The following ABCC5 variants were observed in gnomAD, a reference collection of about 807,000 sequenced individuals.
ABCC5 encodes the protein ATP-binding cassette sub-family C member 5.
A neutral mutation model predicts 160.9 loss-of-function variants in ABCC5; 61 were observed. The observed-to-expected ratio is 0.38, with a 90% CI of 0.31 to 0.47. The LOEUF (loss-of-function observed/expected upper bound fraction) is 0.47. Among genes scored for constraint, ABCC5 ranks in the 20% least tolerant of loss-of-function variants. ABCC5 has a pLI of 0.99. For synonymous variants in ABCC5, 666 were observed against 700.6 expected (o/e 0.95, Z 0.78); for missense variants, 1,308 against 1,813.3 (o/e 0.72, Z 5.06).
rs781735401 is a variant in ABCC5 at position 183,945,908 on chromosome 3, A to G, written c.3446T>C (p.Leu1149Pro). The G allele has an allele frequency of 6.2e-7, 1 of 1,614,190 alleles. No homozygotes were observed. The highest frequency in any genetic ancestry group is 8.5e-7 in the Non-Finnish European group (1 of 1,179,994). Residue 1149 changes from leucine (L) to proline (P), a missense_variant, in exon 24 of 30, where the codon CTG (leucine) becomes CCG (proline). Leu to Pro is a moderately conservative substitution (Grantham distance 98, BLOSUM62 -3). Transcript: ENST00000334444. ...GAATCGAGCTTCTGTCTCAGATGCC[A>G]GTCTGACCGTAAACTGGAACAGCCC... The part of the protein sequence containing the change: ...LTGLFQFTVR[L>P]ASETEARFTS...
chr3:183,993,227 G>C (rs951593940), intron 2 of ABCC5, among the ~76,000 whole-genome samples: 7 of 152,096 alleles, frequency 4.6e-5, no homozygotes, highest in African/African-American at 7.2e-5. Context: ...GCTCACACCT[G>C]TAAGCCCAGC....
intron 1 of ABCC5, among the ~76,000 whole-genome samples, chr3:184,015,482 A>G (rs369492697): frequency 1.3e-5 from 2 of 152,172 alleles, no homozygotes; most frequent in African/African-American, 4.8e-5. Flanking sequence ...GTGACTTAAA[A>G]CTACTACTTC....
intron 2 of ABCC5, among the ~76,000 whole-genome samples, chr3:184,005,423 C>G (rs1345153463): frequency 6.6e-6 from 1 of 152,134 alleles, no homozygotes; most frequent in Non-Finnish European, 1.5e-5. Context: ...AATAGGCTAA[C>G]TCCTTAAAAG....
intron 17 of ABCC5, among the ~76,000 whole-genome samples, chr3:183,954,874 T>A (rs1159901533): frequency 6.6e-6 from 1 of 152,086 alleles, no homozygotes; most frequent in African/African-American, 2.4e-5. Flanking sequence ...TCAATCAATA[T>A]AAGTGGGGTA....
intron 25 of ABCC5, among the ~76,000 whole-genome samples, chr3:183,941,305 G>A (rs555522208): frequency 9.1e-4 from 138 of 152,274 alleles, no homozygotes; most frequent in African/African-American, 3.0e-3. Context: ...GTACCCCTGG[G>A]GACGAATGCA....
In ABCC5 at chr3:183,982,658, C is replaced by T. The variant is rs1278990318; in HGVS notation, c.826-34G>A. On this transcript the variant is annotated intron_variant, in intron 6 of 29. Coordinates refer to ENST00000334444, the MANE Select transcript of ABCC5 (RefSeq NM_005688.4). This position sits in a 1 kb window ranked among gnomAD's most constrained non-coding sequence, Gnocchi z 5.2. ...TACAAAGAGTAGTGAGGGGACCCTG[C>T]AAGGACACGGTTCATTTGTCTCAGG... is the stretch of plus-strand genomic sequence containing the variant. The T allele has an allele frequency of 2.5e-6, 4 of 1,611,716 alleles. No homozygotes were observed. Among genetic ancestry groups the T allele is most frequent in the Non-Finnish European group, 3.4e-6 (4 of 1,178,234 alleles).
chr3:184,004,781 G>A (rs2108906846), intron 2 of ABCC5, among the ~76,000 whole-genome samples: 1 of 152,200 alleles, frequency 6.6e-6, no homozygotes, highest in African/African-American at 2.4e-5. Flanking sequence ...CCAAAGAAAA[G>A]TAAACAGAAG....
intron 2 of ABCC5, among the ~76,000 whole-genome samples, chr3:183,989,805 G>GT (rs1037640486): frequency 1.3e-5 from 2 of 151,854 alleles, no homozygotes; most frequent in African/African-American, 2.4e-5. Context: ...TCCGCTCTTT[G>GT]TTTTTTTGGG....
chr3:183,947,594 G>A, intron 22 of ABCC5, 84 bp from the exon 23 acceptor site: 1 of 1,112,974 alleles, frequency 9.0e-7, no homozygotes, highest in South Asian at 1.8e-5. Flanking sequence ...TCAGATGATG[G>A]AGGGCACGTA....
In ABCC5 at chr3:183,982,378, C is replaced by T; in HGVS notation, c.999+73G>A. 1 of 1,509,644 alleles carries T rather than the reference C, an allele frequency of 6.6e-7. No individual in the cohort carries two copies. The highest frequency in any genetic ancestry group is 1.3e-5 in the South Asian group (1 of 77,564). The allele number at this position is 1,509,644 out of a possible 1,614,324, so 93.5% of individuals were successfully genotyped here. ...CAGAGCTGTGAGACCTCAGCAATGC[C>T]TACTATAACCCAATGGAAGTAACTC... On this transcript the variant is annotated intron_variant, in intron 7 of 29. Coordinates refer to ENST00000334444, the MANE Select transcript of ABCC5 (RefSeq NM_005688.4). This position sits in a 1 kb window ranked among gnomAD's most constrained non-coding sequence, Gnocchi z 5.2.
At chr3:183,966,550 C>T (rs1382707413) in intron 12 of ABCC5, among the ~76,000 whole-genome samples, 4 of 152,198 alleles carry the variant, frequency 2.6e-5, no homozygotes, top group Admixed American at 2.0e-4. Context: ...GAGCACATTG[C>T]TAGATGGCAG....
intron 11 of ABCC5, among the ~76,000 whole-genome samples, chr3:183,970,719 G>A (rs1217767338): frequency 6.6e-6 from 1 of 152,188 alleles, no homozygotes; most frequent in East Asian, 1.9e-4. Context: ...TTACAGGCAT[G>A]AGCCACCATG....
chr3:183,990,642 G>A (rs1241481157), intron 2 of ABCC5, among the ~76,000 whole-genome samples: 1 of 152,180 alleles, frequency 6.6e-6, no homozygotes, highest in African/African-American at 2.4e-5. Flanking sequence ...AGAACAGAAC[G>A]TGAGTTCTTA....
At chr3:183,980,147 T>C (rs1417826067) in intron 8 of ABCC5, among the ~76,000 whole-genome samples, 2 of 152,270 alleles carry the variant, frequency 1.3e-5, no homozygotes, top group East Asian at 1.9e-4. Flanking sequence ...AGTGCTGGGA[T>C]TACAGGCATG....
chr3:183,976,205 CCCTT>C (rs1718200367), intron 10 of ABCC5, among the ~76,000 whole-genome samples: 1 of 151,984 alleles, frequency 6.6e-6, no homozygotes, highest in Admixed American at 6.6e-5. Flanking sequence ...TTCCCTCCCT[CCCTT>C]CCTTTTTCTT....
Position 183,963,623 on chromosome 3 carries a change from C to T in ABCC5, c.2032-35G>A, listed in dbSNP as rs372844452. 2.0e-5 allele frequency: 32 copies of T among 1,608,910 alleles called. No individual in the cohort carries two copies. The African/African-American group carries it at 2.0e-4, about 10-fold the overall frequency. On this transcript the variant is annotated intron_variant, in intron 14 of 29. Coordinates refer to ENST00000334444, the MANE Select transcript of ABCC5 (RefSeq NM_005688.4). This position sits in a 1 kb window ranked among gnomAD's most constrained non-coding sequence, Gnocchi z 4.6. ...CCCAGAAGTGTGGTGAAGCCTCCAG[C>T]GCAAGTCCAGAACAGCGTGGAGGGG...
intron 11 of ABCC5, 148 bp downstream of exon 11, chr3:183,971,413 TAG>T (rs1240769562): frequency 4.7e-6 from 3 of 632,284 alleles, no homozygotes; most frequent in African/African-American, 3.7e-5. Flanking sequence ...GGTTTTTTTT[TAG>T]AGTTAGAGCT....
At chr3:183,986,650 T>C (rs1045191043) in intron 5 of ABCC5, 3 of 152,172 alleles carry the variant, frequency 2.0e-5, no homozygotes, top group South Asian at 4.1e-4. Flanking sequence ...AAAGCCTGCA[T>C]ATGGTGCTAC....
chr3:183,925,780 T>C lies in ABCC5; in HGVS notation c.4048-61A>G, dbSNP rs1243668950. ...AATTCCTTTAGCATTCTGGTTAATC[T>C]AGATTTTACTAAAATGTATTTCATT... On this transcript the variant is annotated intron_variant, in intron 28 of 29. Coordinates refer to ENST00000334444, the MANE Select transcript of ABCC5 (RefSeq NM_005688.4). The C allele has an allele frequency of 2.7e-6, 4 of 1,497,896 alleles. No homozygotes were observed. The African/African-American group carries it at 5.6e-5, about 21-fold the overall frequency. The allele number at this position is 1,497,896 out of a possible 1,614,324, so 92.8% of individuals were successfully genotyped here.
Sources: allele counts gnomAD v4.1 joint callset (sites outside exome capture counted in the v4.1 genomes callset), GRCh38; gene constraint gnomAD v4.1.1; non-coding constraint Gnocchi (gnomAD v3.1); transcripts MANE v1.5; gene names NCBI Gene and HGNC (gene_info 2026-07-23, HGNC 2026-07-21).